Variants in KIF26B observed in about 807,000 individuals in gnomAD.
KIF26B encodes the protein kinesin family member 26B.
Under a neutral mutation model 151.2 loss-of-function variants are expected in KIF26B, and 63 were observed. The ratio of observed to expected loss-of-function variants is 0.42; its 90% CI spans 0.34 to 0.51. KIF26B has a LOEUF of 0.51. Among genes scored for constraint, KIF26B ranks in the 20% least tolerant of loss-of-function variants. KIF26B has a pLI of 0.07. For synonymous variants in KIF26B, 1,357 were observed against 1,262.1 expected, an observed-to-expected ratio of 1.08 and a Z score of -1.59; for missense variants, 2,813 against 2,913.6, an observed-to-expected ratio of 0.97 and a Z score of 0.79.
intron 2 of KIF26B, chr1:245,353,791 A>G (rs991358350): frequency 6.6e-6 from 1 of 152,516 alleles, no homozygotes; most frequent in Non-Finnish European, 1.5e-5. Context: ...AGACCTTTTC[A>G]CTAAGGATCA....
chr1:245,524,592 G>A (rs1287375192), intron 4 of KIF26B, among the ~76,000 whole-genome samples: 1 of 152,130 alleles, frequency 6.6e-6, no homozygotes, highest in Non-Finnish European at 1.5e-5. Flanking sequence ...TGGATAATAA[G>A]ATGAAGGATA....
chr1:245,520,755 C>A (rs1052640725), intron 4 of KIF26B, among the ~76,000 whole-genome samples: 8 of 152,144 alleles, frequency 5.3e-5, no homozygotes, highest in Non-Finnish European at 1.2e-4. Flanking sequence ...GAACTTACAT[C>A]AGAAAGGGCA....
chr1:245,301,571 G>A (rs574039207), intron 2 of KIF26B, among the ~76,000 whole-genome samples: 12 of 152,102 alleles, frequency 7.9e-5, no homozygotes, highest in Admixed American at 3.3e-4. Flanking sequence ...GACTTGGCGC[G>A]GAGTCCCAGA....
At chr1:245,387,011 G>A (rs1673563222) in intron 3 of KIF26B, among the ~76,000 whole-genome samples, 1 of 152,110 alleles carries the variant, frequency 6.6e-6, no homozygotes, top group South Asian at 2.1e-4. Flanking sequence ...GGCCAGATAC[G>A]AATTCCCCTG....
At position 245,633,984 on chromosome 1, in the gene KIF26B, A is replaced by T. The variant is rs1473317672; in HGVS notation, c.2099-12137A>T. Among the ~76,000 whole-genome samples the T allele has an allele frequency of 4.6e-5, 7 of 151,986 alleles. No individual in the cohort carries two copies. In the South Asian group the frequency reaches 1.5e-3, roughly 32 times the overall value. ...TCATACCCAGCTAATTTCTTTTTGTATCATTTTTCTGTAGAGATGGGGTCT... is the reference window on the plus strand; with the variant it reads ...TCATACCCAGCTAATTTCTTTTTGTTTCATTTTTCTGTAGAGATGGGGTCT... On this transcript the variant is annotated intron_variant, in intron 9 of 14. Coordinates refer to ENST00000407071, the MANE Select transcript of KIF26B (RefSeq NM_018012.4).
Position 245,182,758 on chromosome 1 carries a change from C to A in KIF26B, c.465+26075C>A, listed in dbSNP as rs182982556. Among the ~76,000 whole-genome samples, 761 of 152,278 alleles carry A rather than the reference C, an allele frequency of 5.0e-3. 9 individuals are homozygous for A. The highest frequency in any genetic ancestry group is 0.017 in the African/African-American group (694 of 41,558). On this transcript the variant is annotated intron_variant, in intron 2 of 14. Transcript: ENST00000407071. ...TCAAGTGATTCTCCTGCCCCAGCCT[C>A]CCGAGTAGCTGGGATTACAGGCACG...
chr1:245,518,922 G>T (rs374355046), intron 4 of KIF26B, among the ~76,000 whole-genome samples: 1 of 152,170 alleles, frequency 6.6e-6, no homozygotes, highest in Non-Finnish European at 1.5e-5. Context: ...CTCACTCCCG[G>T]ATCCCTTTGT....
intron 2 of KIF26B, among the ~76,000 whole-genome samples, chr1:245,336,972 T>C (rs1317540444): frequency 6.6e-6 from 1 of 152,148 alleles, no homozygotes; most frequent in African/African-American, 2.4e-5. Flanking sequence ...CGGCTGGGCC[T>C]CCTGTCTTTC....
rs1479078101 is a variant in KIF26B at position 245,679,470 on chromosome 1, T to G, written c.2259-4763T>G. Among the ~76,000 whole-genome samples the G allele has an allele frequency of 7.4e-3, 1,009 of 136,058 alleles. 18 individuals are homozygous for G. The highest frequency in any genetic ancestry group is 0.026 in the African/African-American group (928 of 36,214). The allele number at this position is 136,058 out of a possible 152,430, so 89.3% of individuals were successfully genotyped here. A position where few individuals can be genotyped will look rare whatever the true frequency, so the allele number is the denominator to read the frequency against. On this transcript the variant is annotated intron_variant, in intron 10 of 14. Coordinates refer to ENST00000407071, the MANE Select transcript of KIF26B (RefSeq NM_018012.4). ...TTTTTTGTGTGTGTTTTTTTTTTTTTTTTTTTTTTTTTTTTTGACACAAGG... is the reference window on the plus strand; with the variant it reads ...TTTTTTGTGTGTGTTTTTTTTTTTTGTTTTTTTTTTTTTTTTGACACAAGG...
rs373277791 is a variant in KIF26B, at chr1:245,611,825, C to A, written c.1947C>A (p.Thr649=). The A allele has an allele frequency of 1.2e-6, 2 of 1,613,814 alleles. No individual in the cohort carries two copies. The highest frequency in any genetic ancestry group is 2.2e-5 in the South Asian group (2 of 91,068). ...LQNQSELRAP[T]AEKAAFFLDA... ...ACCAGAGCGAGCTGCGGGCCCCCAC[C>A]GCAGAGAAGGCTGCCTTTTTCCTGG... Residue 649 remains threonine (T), a synonymous_variant, in exon 9 of 15, where the codon ACC becomes ACA. Transcript: ENST00000407071.
chr1:245,690,740 T>A (rs6664771), intron 12 of KIF26B, among the ~76,000 whole-genome samples: 6 of 149,658 alleles, frequency 4.0e-5, no homozygotes, highest in Non-Finnish European at 8.9e-5. Context: ...TTTATTTGCC[T>A]GGGGGGGGGG....
At chr1:245,650,289 TGG>T (rs1206527025) in intron 10 of KIF26B, among the ~76,000 whole-genome samples, 1 of 152,242 alleles carries the variant, frequency 6.6e-6, no homozygotes, top group Admixed American at 6.5e-5. Flanking sequence ...TTACTGCTCT[TGG>T]GCACCAAGGT....
At chr1:245,181,427 A>G (rs765804217) in intron 2 of KIF26B, among the ~76,000 whole-genome samples, 7 of 152,070 alleles carry the variant, frequency 4.6e-5, no homozygotes, top group East Asian at 1.9e-4. Context: ...GCTGTTGCCA[A>G]TGCCTCTTGA....
chr1:245,261,998 T>C (rs1670653618), intron 2 of KIF26B, among the ~76,000 whole-genome samples: 1 of 152,190 alleles, frequency 6.6e-6, no homozygotes, highest in Non-Finnish European at 1.5e-5. Context: ...TGCCTCATGC[T>C]CCTTTGGTCA....
At position 245,358,453 on chromosome 1, in the gene KIF26B, G is replaced by A. The variant is rs953365934; in HGVS notation, c.466-8381G>A. 2.6e-5 allele frequency among the ~76,000 whole-genome samples: 4 copies of A among 152,168 alleles called. No homozygotes were observed. The highest frequency in any genetic ancestry group is 9.7e-5 in the African/African-American group (4 of 41,442). On this transcript the variant is annotated intron_variant, in intron 2 of 14. Coordinates refer to ENST00000407071, the MANE Select transcript of KIF26B (RefSeq NM_018012.4). This position sits in a 1 kb window ranked among gnomAD's most constrained non-coding sequence, Gnocchi z 4.1. The stretch of plus-strand genomic sequence containing the variant: ...GAGAATGGTGTGAACCTGGGAGGCC[G>A]AGCTTGCAGTGAGCCGAGATCGCGC...
intron 4 of KIF26B, among the ~76,000 whole-genome samples, chr1:245,494,331 A>T (rs910110132): frequency 2.0e-5 from 3 of 152,164 alleles, no homozygotes; most frequent in Non-Finnish European, 4.4e-5. Flanking sequence ...ACAAAAAACA[A>T]TCACATTCAA....
intron 3 of KIF26B, chr1:245,371,750 A>C (rs1203846872): frequency 6.6e-6 from 1 of 152,174 alleles, no homozygotes; most frequent in Non-Finnish European, 1.5e-5. Context: ...TATCCTTCAC[A>C]TTTCTAAAGT....
At chr1:245,426,673 C>T (rs2103039464) in intron 4 of KIF26B, among the ~76,000 whole-genome samples, 1 of 152,350 alleles carries the variant, frequency 6.6e-6, no homozygotes, top group Admixed American at 6.5e-5. Flanking sequence ...CCAAGCCCCG[C>T]TCAGGCCCTG....
At chr1:245,229,856 C>G (rs560569696) in intron 2 of KIF26B, among the ~76,000 whole-genome samples, 1 of 152,180 alleles carries the variant, frequency 6.6e-6, no homozygotes, top group Admixed American at 6.5e-5. Context: ...ACTCAGAGGC[C>G]GGGTTCGGTG....
Sources: allele counts gnomAD v4.1 joint callset (sites outside exome capture counted in the v4.1 genomes callset), GRCh38; gene constraint gnomAD v4.1.1; non-coding constraint Gnocchi (gnomAD v3.1); transcripts MANE v1.5; gene names NCBI Gene and HGNC (gene_info 2026-07-23, HGNC 2026-07-21).